Variants in CEP57L1 observed in about 807,000 individuals in gnomAD.
CEP57L1 encodes centrosomal protein CEP57L1.
Under a neutral mutation model 61.0 loss-of-function variants are expected in CEP57L1, and 37 were observed. That is an observed-to-expected ratio of 0.61 (90% CI 0.47 to 0.80). The LOEUF (loss-of-function observed/expected upper bound fraction) is 0.80. Among genes scored for constraint, CEP57L1 ranks in the 30% least tolerant of loss-of-function variants. The probability of loss-of-function intolerance (pLI) is 0.00; values close to 1 mark genes in which losing one functional copy is unlikely to be tolerated. For synonymous variants in CEP57L1, 137 were observed against 162.3 expected (o/e 0.84, Z 1.19); for missense variants, 422 against 524.7 (o/e 0.80, Z 1.91).
intron 1 of CEP57L1, among the ~76,000 whole-genome samples, chr6:109,110,010 G>A (rs1317857149): frequency 6.6e-6 from 1 of 152,178 alleles, no homozygotes; most frequent in Non-Finnish European, 1.5e-5. Context: ...ACGTATGCAT[G>A]TGTCTTTATA....
At chr6:109,150,606 G>A (rs938297906) in intron 4 of CEP57L1, among the ~76,000 whole-genome samples, 2 of 150,618 alleles carry the variant, frequency 1.3e-5, no homozygotes, top group African/African-American at 4.9e-5. Context: ...AGGTTGCAGT[G>A]AGCTGAGATT....
rs575607933 is a variant in CEP57L1, at chr6:109,110,797, G to T, written c.-4+15222G>T. ...TTAAATAGGGAATTCTTTCCCCATT[G>T]CTTGTTTTTGTCAGCTTTGTCAAAG... On this transcript the variant is annotated intron_variant, in intron 1 of 10. Transcript: ENST00000517392. Among the ~76,000 whole-genome samples, 5 of 152,260 alleles carry T rather than the reference G, an allele frequency of 3.3e-5. No individual in the cohort carries two copies. In the East Asian group the frequency reaches 7.7e-4, roughly 24 times the overall value.
chr6:109,120,069 A>G (rs1772775331), intron 1 of CEP57L1, among the ~76,000 whole-genome samples: 1 of 152,174 alleles, frequency 6.6e-6, no homozygotes, highest in South Asian at 2.1e-4. Flanking sequence ...GCTCTATTCT[A>G]GTACTTCATG....
rs943467004 is a variant in CEP57L1 at position 109,164,407 on chromosome 6, C to A, written c.*1437C>A. Among the ~76,000 whole-genome samples the A allele has an allele frequency of 6.6e-6, 1 of 152,122 alleles. No individual in the cohort carries two copies. The highest frequency in any genetic ancestry group is 6.6e-5 in the Admixed American group (1 of 15,258). ...GGGCACATTGATGCTTGAAATTGTC[C>A]TTGAAAGTAGTTAATGGCAGAGATC... is the stretch of plus-strand genomic sequence containing the variant. On this transcript the variant is annotated 3_prime_UTR_variant, in exon 11 of 11. Coordinates refer to ENST00000517392, the MANE Select transcript of CEP57L1 (RefSeq NM_001271852.3).
Position 109,153,833 on chromosome 6 carries a change from G to T in CEP57L1, c.463G>T (p.Ala155Ser). 3.1e-6 allele frequency: 5 copies of T among 1,597,256 alleles called. No homozygotes were observed. The highest frequency in any genetic ancestry group is 4.3e-6 in the Non-Finnish European group (5 of 1,167,546). Reference protein sequence around the residue: ...REKNMILEQQAQLQREKEQDQ... With the variant: ...REKNMILEQQSQLQREKEQDQ... ...GCTATTTTATTTTTATCCTTTCTAG[G>T]CCCAGCTTCAGAGGGAAAAAGAACA... Residue 155 changes from alanine to serine, a missense_variant and splice_region_variant, in exon 5 of 11, where the codon GCC becomes TCC. Physicochemically the swap from Ala to Ser is moderately conservative, Grantham distance 99. Coordinates refer to ENST00000517392, the MANE Select transcript of CEP57L1 (RefSeq NM_001271852.3).
rs751539209 is a variant in CEP57L1, at chr6:109,171,242, A to ATTTTTTTT, written c.*8278_*8285dup. Among the ~76,000 whole-genome samples the ATTTTTTTT allele has an allele frequency of 6.1e-4, 87 of 143,484 alleles. No individual in the cohort carries two copies. Among genetic ancestry groups the ATTTTTTTT allele is most frequent in the Middle Eastern group, 3.6e-3 (1 of 280 alleles). 94.1% of individuals were successfully genotyped at this position (143,484 alleles called of 152,430 possible). A position where few individuals can be genotyped will look rare whatever the true frequency, so the allele number is the denominator to read the frequency against. On this transcript the variant is annotated 3_prime_UTR_variant, in exon 11 of 11. Coordinates refer to ENST00000517392, the MANE Select transcript of CEP57L1 (RefSeq NM_001271852.3). ...AAATAATGCCACAAAGTAGAGTTTG[A>ATTTTTTTT]TTTTTTTTTTTTTGAGACGGAGTTT... is the stretch of plus-strand genomic sequence containing the variant.
intron 3 of CEP57L1, 120 bp downstream of exon 3, chr6:109,147,057 A>G (rs1772044251): frequency 1.6e-5 from 12 of 762,308 alleles, no homozygotes; most frequent in Non-Finnish European, 2.4e-5. Context: ...TTCAAACTTC[A>G]TGACTTTGTT....
chr6:109,136,126 T>A (rs987276642), intron 1 of CEP57L1, among the ~76,000 whole-genome samples: 2 of 152,208 alleles, frequency 1.3e-5, no homozygotes, highest in Non-Finnish European at 2.9e-5. Context: ...GTATGTTTAT[T>A]GCGGCACTAT....
At chr6:109,125,241 G>A (rs1773410820) in intron 1 of CEP57L1, among the ~76,000 whole-genome samples, 1 of 151,988 alleles carries the variant, frequency 6.6e-6, no homozygotes, top group South Asian at 2.1e-4. Context: ...CTAAAAGGAA[G>A]GAAAGCAGTT....
chr6:109,112,191 C>T (rs988876794), intron 1 of CEP57L1, among the ~76,000 whole-genome samples: 2 of 152,156 alleles, frequency 1.3e-5, no homozygotes, highest in Non-Finnish European at 2.9e-5. Context: ...ATTGCCCCCT[C>T]AATTTCAGAA....
chr6:109,152,467 G>A (rs1271399156), intron 4 of CEP57L1, among the ~76,000 whole-genome samples: 1 of 152,176 alleles, frequency 6.6e-6, no homozygotes, highest in South Asian at 2.1e-4. Context: ...ACAGGCGTGA[G>A]CCACCACGCC....
rs1055414913 is a variant in CEP57L1, at chr6:109,122,296, A to G, written c.-3-22923A>G. Reference sequence around the variant, plus strand: ...CTGGCTTTTAGATAAAATTGCTTCTATCTTGTGTACAGATGGAGACTTTCA... The same window carrying G: ...CTGGCTTTTAGATAAAATTGCTTCTGTCTTGTGTACAGATGGAGACTTTCA... On this transcript the variant is annotated intron_variant, in intron 1 of 10. Transcript: ENST00000517392. Among the ~76,000 whole-genome samples the G allele has an allele frequency of 2.6e-5, 4 of 152,254 alleles. No homozygotes were observed. The East Asian group carries it at 5.8e-4, about 22-fold the overall frequency.
intron 10 of CEP57L1, among the ~76,000 whole-genome samples, chr6:109,161,275 TAAGA>T (rs1410236136): frequency 2.0e-5 from 3 of 152,192 alleles, no homozygotes; most frequent in Non-Finnish European, 4.4e-5. Context: ...ATGTAATAAC[TAAGA>T]ATAGCTAACA....
chr6:109,115,212 G>T (rs1352480535), intron 1 of CEP57L1, among the ~76,000 whole-genome samples: 1 of 151,778 alleles, frequency 6.6e-6, no homozygotes, highest in Admixed American at 6.6e-5. Flanking sequence ...GGGAGAAATG[G>T]TAGGAAATAT....
At chr6:109,134,090 C>T (rs1054609576) in intron 1 of CEP57L1, among the ~76,000 whole-genome samples, 4 of 152,124 alleles carry the variant, frequency 2.6e-5, no homozygotes, top group Admixed American at 2.6e-4. Flanking sequence ...GCTACCAAAA[C>T]CTGGCAGAGA....
At chr6:109,142,391 C>A (rs1771478315) in intron 1 of CEP57L1, among the ~76,000 whole-genome samples, 1 of 152,100 alleles carries the variant, frequency 6.6e-6, no homozygotes, top group South Asian at 2.1e-4. Flanking sequence ...TGTTCTCACT[C>A]ATAAGTGGGA....
chr6:109,116,461 C>T (rs1378130936), intron 1 of CEP57L1, among the ~76,000 whole-genome samples: 1 of 152,150 alleles, frequency 6.6e-6, no homozygotes, highest in Non-Finnish European at 1.5e-5. Flanking sequence ...AAGGAGTGAG[C>T]CACGGCGCCC....
intron 1 of CEP57L1, among the ~76,000 whole-genome samples, chr6:109,107,025 A>G (rs1228338235): frequency 6.6e-6 from 1 of 152,242 alleles, no homozygotes; most frequent in Non-Finnish European, 1.5e-5. Context: ...TAGTATTTAC[A>G]AACAAATTTC....
At chr6:109,111,106 T>A (rs894603435) in intron 1 of CEP57L1, among the ~76,000 whole-genome samples, 4 of 152,200 alleles carry the variant, frequency 2.6e-5, no homozygotes, top group Non-Finnish European at 4.4e-5. Context: ...AATCTATAAA[T>A]TACTTCGGGC....
Sources: allele counts gnomAD v4.1 joint callset (sites outside exome capture counted in the v4.1 genomes callset), GRCh38; gene constraint gnomAD v4.1.1; transcripts MANE v1.5; gene names NCBI Gene and HGNC (gene_info 2026-07-23, HGNC 2026-07-21).